CSMD1: variants seen among roughly 807,000 people sequenced by gnomAD.
CSMD1 encodes the protein CUB and Sushi multiple domains 1, also known as CUB and sushi domain-containing protein 1.
A neutral mutation model predicts 417.5 loss-of-function variants in CSMD1; 213 were observed. That is an observed-to-expected ratio of 0.51 (90% CI 0.46 to 0.57). The LOEUF (loss-of-function observed/expected upper bound fraction) is 0.57. Among genes scored for constraint, CSMD1 ranks in the 20% least tolerant of loss-of-function variants. CSMD1 has a pLI of 0.00. For synonymous variants in CSMD1, 2,862 were observed against 1,736.8 expected (o/e 1.65, Z -16.11); for missense variants, 6,923 against 4,529.7 (o/e 1.53, Z -15.17).
chr8:4,483,445 A>C (rs1444868087), intron 2 of CSMD1, among the ~76,000 whole-genome samples: 1 of 152,252 alleles, frequency 6.6e-6, no homozygotes, highest in African/African-American at 2.4e-5. Context: ...ACCATTTAGA[A>C]AACCCCAATG....
intron 1 of CSMD1, among the ~76,000 whole-genome samples, chr8:4,847,347 A>G (rs539302025): frequency 1.0e-3 from 155 of 152,350 alleles, no homozygotes; most frequent in Non-Finnish European, 1.5e-3. Flanking sequence ...ATCCTAAACA[A>G]TGACACTAAC....
At chr8:3,360,814 C>A (rs776388010) in intron 20 of CSMD1, among the ~76,000 whole-genome samples, 14 of 151,872 alleles carry the variant, frequency 9.2e-5, no homozygotes, top group Middle Eastern at 3.5e-3. Context: ...TAAAATCCAA[C>A]TGATCCTTTT....
intron 12 of CSMD1, among the ~76,000 whole-genome samples, chr8:3,422,512 T>C (rs1217067992): frequency 6.6e-6 from 1 of 152,122 alleles, no homozygotes; most frequent in Non-Finnish European, 1.5e-5. Flanking sequence ...TTAAAAGGTA[T>C]ACTACTGAAG....
intron 3 of CSMD1, among the ~76,000 whole-genome samples, chr8:4,325,369 C>G (rs1235834889): frequency 1.3e-5 from 2 of 152,068 alleles, no homozygotes; most frequent in Non-Finnish European, 2.9e-5. Context: ...TAGATAATCC[C>G]AAGAGACAGA....
At chr8:3,995,300 C>A (rs1195391611) in intron 5 of CSMD1, among the ~76,000 whole-genome samples, 1 of 152,188 alleles carries the variant, frequency 6.6e-6, no homozygotes, top group Non-Finnish European at 1.5e-5. Flanking sequence ...CTGAGAGTTC[C>A]ACTTAAACGT....
chr8:4,116,865 A>G lies in CSMD1; in HGVS notation c.416-84766T>C, dbSNP rs142899252. ...AAAAGCACCTGGCATTTACTGTACA[A>G]TGTGCCAGAAAAAGAATAAGCTTTC... is the stretch of plus-strand genomic sequence containing the variant. On this transcript the variant is annotated intron_variant, in intron 3 of 69. Transcript: ENST00000635120. Among the ~76,000 whole-genome samples the G allele has an allele frequency of 3.9e-5, 6 of 152,074 alleles. No homozygotes were observed. The East Asian group carries it at 1.2e-3, about 30-fold the overall frequency.
At chr8:3,791,925 A>G (rs1304863653) in intron 5 of CSMD1, among the ~76,000 whole-genome samples, 1 of 152,196 alleles carries the variant, frequency 6.6e-6, no homozygotes, top group South Asian at 2.1e-4. Flanking sequence ...AAAAACCTCA[A>G]TAGCGTTTGC....
intron 1 of CSMD1, among the ~76,000 whole-genome samples, chr8:4,654,828 T>A (rs1253414310): frequency 1.3e-5 from 2 of 152,084 alleles, no homozygotes; most frequent in East Asian, 3.9e-4. Flanking sequence ...AAAATGGAAC[T>A]CTATTTTAAA....
At chr8:3,805,038 C>A (rs762222611) in intron 5 of CSMD1, among the ~76,000 whole-genome samples, 4 of 152,082 alleles carry the variant, frequency 2.6e-5, no homozygotes, top group African/African-American at 9.7e-5. Flanking sequence ...CATATTCACA[C>A]TGGAATATAA....
intron 5 of CSMD1, among the ~76,000 whole-genome samples, chr8:3,803,131 A>T (rs1178166640): frequency 6.6e-6 from 1 of 152,194 alleles, no homozygotes; most frequent in African/African-American, 2.4e-5. Context: ...TCTTTGAAGG[A>T]CTTCATTCTA....
At chr8:3,489,601 T>C (rs560458022) in intron 11 of CSMD1, among the ~76,000 whole-genome samples, 1 of 152,176 alleles carries the variant, frequency 6.6e-6, no homozygotes, top group Non-Finnish European at 1.5e-5. Context: ...AGCCTGACAT[T>C]CTATAAATAT....
At chr8:4,924,463 C>T (rs573661415) in intron 1 of CSMD1, among the ~76,000 whole-genome samples, 125 of 152,226 alleles carry the variant, frequency 8.2e-4, no homozygotes, top group African/African-American at 3.0e-3. Context: ...TGGCTCACGC[C>T]TGTAATCTCA....
intron 1 of CSMD1, among the ~76,000 whole-genome samples, chr8:4,871,405 A>G (rs937652839): frequency 6.6e-6 from 1 of 152,134 alleles, no homozygotes; most frequent in Admixed American, 6.5e-5. Context: ...GAATACATTT[A>G]TCTAACACCA....
chr8:4,457,995 G>A (rs1044279881), intron 2 of CSMD1, among the ~76,000 whole-genome samples: 1 of 152,180 alleles, frequency 6.6e-6, no homozygotes, highest in African/African-American at 2.4e-5. Context: ...CTTCCCCTGA[G>A]AGGTAGTGAC....
At chr8:3,804,913 G>A (rs910686241) in intron 5 of CSMD1, among the ~76,000 whole-genome samples, 1 of 152,152 alleles carries the variant, frequency 6.6e-6, no homozygotes, top group Non-Finnish European at 1.5e-5. Context: ...CTACTTTAGA[G>A]TTTCAGGTTA....
In CSMD1 at chr8:3,575,061, T is replaced by C. The variant is rs771187182; in HGVS notation, c.1228A>G (p.Thr410Ala). 1.2e-6 allele frequency: 2 copies of C among 1,613,054 alleles called. No individual in the cohort carries two copies. Among genetic ancestry groups the C allele is most frequent in the Admixed American group, 1.7e-5 (1 of 59,984 alleles). ...GGCCCACGCAGATTGGATCCACATG[T>C]TCTCGCTGGAAACACATAGAAACGA... The part of the protein sequence containing the change: ...SDHRPICRAR[T>A]CGSNLRGPSG... Residue 410 changes from threonine (T) to alanine (A), a missense_variant, in exon 10 of 70, where the codon ACA becomes GCA. Transcript: ENST00000635120.
At chr8:3,977,135 T>C (rs1407335300) in intron 5 of CSMD1, among the ~76,000 whole-genome samples, 1 of 152,180 alleles carries the variant, frequency 6.6e-6, no homozygotes, top group Admixed American at 6.5e-5. Flanking sequence ...AGATGAAACT[T>C]TCATGATGAA....
intron 29 of CSMD1, among the ~76,000 whole-genome samples, chr8:3,215,917 C>G (rs1474208701): frequency 6.6e-6 from 1 of 151,244 alleles, no homozygotes; most frequent in Non-Finnish European, 1.5e-5. Flanking sequence ...AATCATCAAC[C>G]AAACAGAGAT....
chr8:4,941,199 C>G (rs530424565), intron 1 of CSMD1, among the ~76,000 whole-genome samples: 12 of 152,288 alleles, frequency 7.9e-5, no homozygotes, highest in South Asian at 2.1e-4. Context: ...TTGTAACATT[C>G]ATTCTTGTTT....
Sources: allele counts gnomAD v4.1 joint callset (sites outside exome capture counted in the v4.1 genomes callset), GRCh38; gene constraint gnomAD v4.1.1; transcripts MANE v1.5; gene names NCBI Gene and HGNC (gene_info 2026-07-23, HGNC 2026-07-21).